Variants in ROBO1 observed in about 807,000 individuals in gnomAD.
ROBO1 encodes roundabout guidance receptor 1.
A neutral mutation model predicts 195.9 loss-of-function variants in ROBO1; 149 were observed. That is an observed-to-expected ratio of 0.76 (90% CI 0.67 to 0.87). The LOEUF (loss-of-function observed/expected upper bound fraction) is 0.87. Ranked by LOEUF, ROBO1 falls within the 40% of genes least tolerant of loss-of-function variation. The probability of loss-of-function intolerance (pLI) is 0.00; values close to 1 mark genes in which losing one functional copy is unlikely to be tolerated. For synonymous variants in ROBO1, 816 were observed against 733.2 expected, an observed-to-expected ratio of 1.11 and a Z score of -1.82; for missense variants, 1,933 against 2,068.3, an observed-to-expected ratio of 0.93 and a Z score of 1.27.
At chr3:79,002,750 A>T (rs2077534981) in intron 3 of ROBO1, among the ~76,000 whole-genome samples, 1 of 152,124 alleles carries the variant, frequency 6.6e-6, no homozygotes, top group African/African-American at 2.4e-5. Flanking sequence ...TTGAGGGTGT[A>T]ACTTAATTAG....
chr3:79,231,152 A>C (rs888142787), intron 2 of ROBO1, among the ~76,000 whole-genome samples: 1 of 152,270 alleles, frequency 6.6e-6, no homozygotes, highest in Non-Finnish European at 1.5e-5. Flanking sequence ...TTCAGGACAT[A>C]GGCACAGACA....
At chr3:79,178,059 G>A (rs79944920) in intron 2 of ROBO1, among the ~76,000 whole-genome samples, 2 of 152,248 alleles carry the variant, frequency 1.3e-5, no homozygotes, top group African/African-American at 2.4e-5. Context: ...TGCAATGGAA[G>A]TTATTAGCTT....
At chr3:79,764,220 C>T (rs1704863591) in intron 1 of ROBO1, among the ~76,000 whole-genome samples, 1 of 152,144 alleles carries the variant, frequency 6.6e-6, no homozygotes, top group Non-Finnish European at 1.5e-5. Flanking sequence ...TTGAATTAGT[C>T]AGTTAGCCTT....
At chr3:78,933,153 T>C (rs2039624036) in intron 4 of ROBO1, among the ~76,000 whole-genome samples, 1 of 152,092 alleles carries the variant, frequency 6.6e-6, no homozygotes, top group Non-Finnish European at 1.5e-5. Flanking sequence ...AATATTACAT[T>C]CTCTGACACA....
At chr3:79,018,923 G>C in intron 3 of ROBO1, 1 of 988,196 alleles carries the variant, frequency 1.0e-6, no homozygotes, top group Non-Finnish European at 1.2e-6. Flanking sequence ...CCGTCTCCCG[G>C]CGAGCCCAGT....
At chr3:78,608,381 T>C (rs9819719) in intron 28 of ROBO1, among the ~76,000 whole-genome samples, 75,751 of 152,020 alleles carry the variant, frequency 0.5, 22,658 homozygotes, top group Non-Finnish European at 0.65. Context: ...ACTGGGATTA[T>C]AGCTATGAGC....
intron 4 of ROBO1, among the ~76,000 whole-genome samples, chr3:78,876,056 C>T (rs753193892): frequency 2.6e-5 from 4 of 151,804 alleles, no homozygotes; most frequent in Non-Finnish European, 5.9e-5. Flanking sequence ...AGTAAAATGA[C>T]TAGAGAACAC....
At chr3:78,885,427 A>AC (rs1374716957) in intron 4 of ROBO1, among the ~76,000 whole-genome samples, 1 of 146,134 alleles carries the variant, frequency 6.8e-6, no homozygotes, top group Non-Finnish European at 1.5e-5. Context: ...AAAAAAAAAA[A>AC]AAAAAAAAAA....
intron 1 of ROBO1, among the ~76,000 whole-genome samples, chr3:79,605,420 T>C (rs551895554): frequency 6.6e-6 from 1 of 152,090 alleles, no homozygotes; most frequent in African/African-American, 2.4e-5. Flanking sequence ...CAGACCCAAG[T>C]AGTCAAAAGG....
intron 1 of ROBO1, among the ~76,000 whole-genome samples, chr3:79,738,830 T>A (rs1012808096): frequency 6.6e-6 from 1 of 152,172 alleles, no homozygotes; most frequent in African/African-American, 2.4e-5. Context: ...GAGGAAATTG[T>A]TTCCCGTGCA....
intron 4 of ROBO1, among the ~76,000 whole-genome samples, chr3:78,853,922 C>T (rs1364932284): frequency 2.0e-5 from 3 of 152,046 alleles, no homozygotes; most frequent in African/African-American, 4.8e-5. Context: ...ACCAGGTCAA[C>T]AGTATGGAAG....
At chr3:79,553,055 C>G (rs1402117239) in intron 2 of ROBO1, among the ~76,000 whole-genome samples, 2 of 152,040 alleles carry the variant, frequency 1.3e-5, no homozygotes, top group Non-Finnish European at 2.9e-5. Context: ...TGAAATTCTT[C>G]TTTAGGTACA....
intron 3 of ROBO1, among the ~76,000 whole-genome samples, chr3:79,003,318 A>ATTTT (rs2077548302): frequency 6.6e-6 from 1 of 152,134 alleles, no homozygotes; most frequent in Non-Finnish European, 1.5e-5. Flanking sequence ...AGATTAAATT[A>ATTTT]TTTTTAAATT....
chr3:79,023,910 C>A (rs2078153984), intron 3 of ROBO1, among the ~76,000 whole-genome samples: 1 of 150,404 alleles, frequency 6.6e-6, no homozygotes, highest in Non-Finnish European at 1.5e-5. Flanking sequence ...CGGGGTTTCA[C>A]TATGTTGGTC....
At chr3:79,738,665 T>G (rs1703494267) in intron 1 of ROBO1, among the ~76,000 whole-genome samples, 1 of 152,166 alleles carries the variant, frequency 6.6e-6, no homozygotes, top group African/African-American at 2.4e-5. Context: ...TGAGTTAAAA[T>G]GGGGAAAAGT....
intron 2 of ROBO1, among the ~76,000 whole-genome samples, chr3:79,203,669 T>C (rs1048444269): frequency 6.6e-6 from 1 of 152,268 alleles, no homozygotes; most frequent in East Asian, 1.9e-4. Flanking sequence ...TAGAAGTGTA[T>C]ATGGTGAACA....
chr3:79,074,371 G>A (rs1559640416), intron 3 of ROBO1, among the ~76,000 whole-genome samples: 1 of 151,902 alleles, frequency 6.6e-6, no homozygotes, highest in East Asian at 1.9e-4. Flanking sequence ...TGAATGAAGC[G>A]AGGTTAATAA....
chr3:78,915,489 A>G (rs2038504218), intron 4 of ROBO1, among the ~76,000 whole-genome samples: 1 of 152,190 alleles, frequency 6.6e-6, no homozygotes, highest in African/African-American at 2.4e-5. Context: ...CTGATATAAC[A>G]TATTTCCAGC....
At chr3:79,730,768 C>CTTTTTTTT (rs66527491) in intron 1 of ROBO1, among the ~76,000 whole-genome samples, 1 of 95,538 alleles carries the variant, frequency 1.0e-5, no homozygotes, top group Non-Finnish European at 2.1e-5. Flanking sequence ...CCTGTATTTC[C>CTTTTTTTT]TTTTTTTTTT....
Sources: allele counts gnomAD v4.1 joint callset (sites outside exome capture counted in the v4.1 genomes callset), GRCh38; gene constraint gnomAD v4.1.1; transcripts MANE v1.5; gene names NCBI Gene and HGNC (gene_info 2026-07-23, HGNC 2026-07-21).